The following GRIA1 variants were observed in gnomAD, a reference collection of about 807,000 sequenced individuals.
The protein encoded by GRIA1 is glutamate receptor 1.
A neutral mutation model predicts 99.2 loss-of-function variants in GRIA1; 31 were observed. The ratio of observed to expected loss-of-function variants is 0.31; its 90% confidence interval spans 0.23 to 0.42. The LOEUF (loss-of-function observed/expected upper bound fraction) is 0.42. Among genes scored for constraint, GRIA1 ranks in the 10% least tolerant of loss-of-function variants. GRIA1 has a pLI of 1.00. For synonymous variants in GRIA1, 438 were observed against 432.4 expected (o/e 1.01, Z -0.16); for missense variants, 782 against 1,157.5 (o/e 0.68, Z 4.71).
chr5:153,514,295 T>C (rs1756398408), intron 2 of GRIA1, among the ~76,000 whole-genome samples: 1 of 152,262 alleles, frequency 6.6e-6, no homozygotes, highest in South Asian at 2.1e-4. Context: ...TTCCCCTATG[T>C]TTTTCTCCAG....
At chr5:153,718,487 T>C (rs1055198770) in intron 11 of GRIA1, among the ~76,000 whole-genome samples, 1 of 152,196 alleles carries the variant, frequency 6.6e-6, no homozygotes, top group East Asian at 1.9e-4. Context: ...AACCTGGGTT[T>C]GGATCCTAGC....
chr5:153,590,747 A>T (rs1763900878), intron 2 of GRIA1, among the ~76,000 whole-genome samples: 2 of 152,170 alleles, frequency 1.3e-5, no homozygotes, highest in Non-Finnish European at 2.9e-5. Flanking sequence ...TGTTATCTAT[A>T]CCAAGTTATC....
intron 2 of GRIA1, among the ~76,000 whole-genome samples, chr5:153,585,243 C>T (rs2149379997): frequency 6.6e-6 from 1 of 150,416 alleles, no homozygotes; most frequent in Middle Eastern, 3.4e-3. Context: ...ACTTCCTTCC[C>T]CCTCCCCTCA....
chr5:153,673,963 C>G (rs1756384262), intron 5 of GRIA1, among the ~76,000 whole-genome samples: 1 of 152,206 alleles, frequency 6.6e-6, no homozygotes. Flanking sequence ...CGGCCTCTTC[C>G]ACAGACTTGC....
chr5:153,597,806 A>C (rs988052843), intron 2 of GRIA1, among the ~76,000 whole-genome samples: 5 of 151,634 alleles, frequency 3.3e-5, no homozygotes, highest in African/African-American at 1.2e-4. Flanking sequence ...CTAGGAGTTC[A>C]AGACAAGGCT....
chr5:153,755,198 G>A (rs1297833658), intron 11 of GRIA1, among the ~76,000 whole-genome samples: 1 of 152,196 alleles, frequency 6.6e-6, no homozygotes, highest in African/African-American at 2.4e-5. Context: ...TATTCCAAGT[G>A]TTAAGAGAAA....
chr5:153,573,413 A>T lies in GRIA1; in HGVS notation c.221-73515A>T, dbSNP rs867877414. 45 of 152,322 alleles carry T rather than the reference A, an allele frequency of 3.0e-4. 1 individual carries two copies. Among genetic ancestry groups the T allele is most frequent in the Admixed American group, 5.9e-4 (9 of 15,294 alleles). 9.4% of individuals were successfully genotyped at this position (152,322 alleles called of 1,614,324 possible). A position where few individuals can be genotyped will look rare whatever the true frequency, so the allele number is the denominator to read the frequency against. ...ATTGTTGGGATGATTAAGTCGGATG[A>T]TTCTCAGAAAGCACTTCCCACAGTT... On this transcript the variant is annotated intron_variant, in intron 2 of 15. Transcript: ENST00000285900.
chr5:153,660,695 C>G (rs573186377), intron 5 of GRIA1, among the ~76,000 whole-genome samples: 1 of 152,140 alleles, frequency 6.6e-6, no homozygotes. Context: ...TATTGGCAAT[C>G]GCAGTGGCAC....
intron 5 of GRIA1, among the ~76,000 whole-genome samples, chr5:153,659,714 T>A (rs531745288): frequency 2.0e-5 from 3 of 152,200 alleles, no homozygotes; most frequent in Non-Finnish European, 2.9e-5. Flanking sequence ...ACCTAAACCA[T>A]GGAGTAAATG....
chr5:153,809,910 T>C (rs542324660), intron 15 of GRIA1, among the ~76,000 whole-genome samples: 4 of 152,042 alleles, frequency 2.6e-5, no homozygotes, highest in African/African-American at 9.7e-5. Flanking sequence ...AGAGGTAGGG[T>C]TGGTCCCATT....
At chr5:153,565,784 T>G (rs1479108130) in intron 2 of GRIA1, among the ~76,000 whole-genome samples, 1 of 151,928 alleles carries the variant, frequency 6.6e-6, no homozygotes, top group African/African-American at 2.4e-5. Flanking sequence ...CAGTGCTTCA[T>G]CCCTTTATGG....
At chr5:153,667,315 G>T (rs901330415) in intron 5 of GRIA1, among the ~76,000 whole-genome samples, 1 of 152,210 alleles carries the variant, frequency 6.6e-6, no homozygotes, top group Non-Finnish European at 1.5e-5. Context: ...CAGGCAGGAT[G>T]ATGAGGGCTG....
At chr5:153,525,654 C>T (rs796098355) in intron 2 of GRIA1, 44 of 152,238 alleles carry the variant, frequency 2.9e-4, no homozygotes, top group African/African-American at 6.7e-4. Flanking sequence ...CTTCAGCTGG[C>T]TTACTCTTAG....
At chr5:153,691,517 G>C (rs1484213269) in intron 8 of GRIA1, among the ~76,000 whole-genome samples, 1 of 152,062 alleles carries the variant, frequency 6.6e-6, no homozygotes, top group African/African-American at 2.4e-5. Context: ...TGTATAACTA[G>C]AATGAAAAGA....
chr5:153,610,597 G>C (rs1042783747), intron 2 of GRIA1, among the ~76,000 whole-genome samples: 1 of 152,170 alleles, frequency 6.6e-6, no homozygotes, highest in Admixed American at 6.5e-5. Context: ...AATTGTGGTC[G>C]AGAGTGTAGT....
intron 14 of GRIA1, among the ~76,000 whole-genome samples, chr5:153,797,341 C>A (rs373511122): frequency 1.3e-5 from 2 of 152,192 alleles, no homozygotes; most frequent in African/African-American, 4.8e-5. Context: ...TGTCAAAACA[C>A]CCTGGATCCT....
chr5:153,604,937 A>G (rs1765317546), intron 2 of GRIA1, among the ~76,000 whole-genome samples: 1 of 152,124 alleles, frequency 6.6e-6, no homozygotes, highest in Non-Finnish European at 1.5e-5. Flanking sequence ...AGAGACAACC[A>G]AGTAGAAAAA....
intron 11 of GRIA1, among the ~76,000 whole-genome samples, chr5:153,759,200 A>C (rs1395586039): frequency 1.3e-5 from 2 of 151,398 alleles, no homozygotes; most frequent in Non-Finnish European, 3.0e-5. Context: ...TCTCAAATTT[A>C]CAGAAGGAAA....
chr5:153,754,849 C>G (rs1162757645), intron 11 of GRIA1, among the ~76,000 whole-genome samples: 2 of 152,158 alleles, frequency 1.3e-5, no homozygotes, highest in Admixed American at 1.3e-4. Context: ...CTAAAAGATT[C>G]CTTTGCTTTC....
Sources: allele counts gnomAD v4.1 joint callset (sites outside exome capture counted in the v4.1 genomes callset), GRCh38; gene constraint gnomAD v4.1.1; transcripts MANE v1.5; gene names NCBI Gene and HGNC (gene_info 2026-07-23, HGNC 2026-07-21).